SAMD12: variants seen among roughly 807,000 people sequenced by gnomAD.
SAMD12 encodes the protein sterile alpha motif domain containing 12.
SAMD12 carries 9 observed loss-of-function variants against 15.0 expected under a neutral mutation model. The observed-to-expected ratio is 0.60, with a 90% CI of 0.36 to 1.05. The LOEUF (loss-of-function observed/expected upper bound fraction) is 1.05. Ranked by LOEUF, SAMD12 falls within the 50% of genes least tolerant of loss-of-function variation. The probability of loss-of-function intolerance (pLI) is 0.01; values close to 1 mark genes in which losing one functional copy is unlikely to be tolerated. For synonymous variants in SAMD12, 86 were observed against 90.1 expected (o/e 0.96, Z 0.25); for missense variants, 230 against 234.2 (o/e 0.98, Z 0.12).
intron 1 of SAMD12, among the ~76,000 whole-genome samples, chr8:118,618,883 A>C (rs1828317444): frequency 6.6e-6 from 1 of 151,862 alleles, no homozygotes; most frequent in African/African-American, 2.4e-5. Flanking sequence ...GGAGGAAAGC[A>C]GTAGTGAGCC....
At chr8:118,173,579 A>G in the SAMD12 span, among the ~76,000 whole-genome samples, 100 of 147,826 alleles carry the variant, frequency 6.8e-4, no homozygotes, top group African/African-American at 2.4e-3. Flanking sequence ...CTATATATTT[A>G]ACTATAGATT....
intron 1 of SAMD12, among the ~76,000 whole-genome samples, chr8:118,616,427 C>T (rs1313928605): frequency 1.3e-5 from 2 of 152,142 alleles, no homozygotes; most frequent in Non-Finnish European, 2.9e-5. Flanking sequence ...TAATGATGTT[C>T]CCAACAAGAA....
chr8:118,181,163 A>G, the SAMD12 span, among the ~76,000 whole-genome samples: 1 of 152,196 alleles, frequency 6.6e-6, no homozygotes, highest in African/African-American at 2.4e-5. Flanking sequence ...CTGGGACTAC[A>G]GGTGCATACC....
the SAMD12 span, among the ~76,000 whole-genome samples, chr8:118,140,331 G>A: frequency 1.3e-5 from 2 of 151,984 alleles, no homozygotes; most frequent in Non-Finnish European, 2.9e-5. Context: ...GAGTAGAGTG[G>A]CATGATCACA....
chr8:118,552,912 G>T (rs560366917), intron 2 of SAMD12, among the ~76,000 whole-genome samples: 3,047 of 151,842 alleles, frequency 0.02, 119 homozygotes, highest in African/African-American at 0.068. Context: ...GCCAAATCAT[G>T]AGTGAACTCC....
At chr8:118,159,003 C>T in the SAMD12 span, among the ~76,000 whole-genome samples, 6 of 152,150 alleles carry the variant, frequency 3.9e-5, no homozygotes, top group South Asian at 2.1e-4. Flanking sequence ...GACAAGAACT[C>T]GGGACCTGCT....
At chr8:118,570,403 C>T (rs1427686631) in intron 2 of SAMD12, among the ~76,000 whole-genome samples, 2 of 152,132 alleles carry the variant, frequency 1.3e-5, no homozygotes, top group African/African-American at 2.4e-5. Context: ...TTGTTCCCTT[C>T]TATATATCCA....
intron 2 of SAMD12, among the ~76,000 whole-genome samples, chr8:118,519,930 G>A (rs776001533): frequency 1.3e-4 from 20 of 151,898 alleles, no homozygotes; most frequent in Middle Eastern, 3.4e-3. Flanking sequence ...TCAGAGCATT[G>A]AAAAAAAAGT....
chr8:118,133,523 C>T, the SAMD12 span, among the ~76,000 whole-genome samples: 1 of 151,924 alleles, frequency 6.6e-6, no homozygotes. Context: ...TTCTTAATCC[C>T]GAGATGGAGG....
At chr8:118,252,879 T>C (rs1404360328) in intron 4 of SAMD12, among the ~76,000 whole-genome samples, 1 of 152,148 alleles carries the variant, frequency 6.6e-6, no homozygotes, top group Non-Finnish European at 1.5e-5. Flanking sequence ...TGTAAGAACC[T>C]GGCTTCTCTG....
At chr8:118,618,797 C>T (rs1414137003) in intron 1 of SAMD12, among the ~76,000 whole-genome samples, 1 of 150,416 alleles carries the variant, frequency 6.6e-6, no homozygotes, top group Admixed American at 6.6e-5. Context: ...CGAGATCGCG[C>T]CACTGCATTC....
At chr8:118,332,009 A>G (rs1312861559) in intron 4 of SAMD12, among the ~76,000 whole-genome samples, 3 of 152,204 alleles carry the variant, frequency 2.0e-5, no homozygotes, top group Non-Finnish European at 4.4e-5. Context: ...TAAGACAGGT[A>G]CCACACCTTC....
Position 118,339,582 on chromosome 8 carries a change from C to T in SAMD12, c.433+39978G>A, listed in dbSNP as rs567102795. On this transcript the variant is annotated intron_variant, in intron 4 of 4. Transcript: ENST00000409003. The stretch of plus-strand genomic sequence containing the variant: ...CAGCTCTGAGGAGTGGTGCTGATCA[C>T]GTGGCCTCGCTGCGTTTCTGTGGTC... 9.8e-5 allele frequency among the ~76,000 whole-genome samples: 15 copies of T among 152,328 alleles called. No homozygotes were observed. In the South Asian group the frequency reaches 3.1e-3, roughly 32 times the overall value.
intron 2 of SAMD12, among the ~76,000 whole-genome samples, chr8:118,526,777 G>A (rs1825549029): frequency 6.6e-6 from 1 of 152,140 alleles, no homozygotes; most frequent in South Asian, 2.1e-4. Context: ...GAAGCCAGAG[G>A]GGAAAGGAGC....
chr8:118,573,106 G>C (rs1829605), intron 2 of SAMD12, among the ~76,000 whole-genome samples: 8,660 of 152,100 alleles, frequency 0.057, 331 homozygotes, highest in Non-Finnish European at 0.083. Flanking sequence ...CTTTTTGAGG[G>C]GGAGTTTCAC....
chr8:118,589,795 C>G (rs150331938), intron 1 of SAMD12, among the ~76,000 whole-genome samples: 1 of 152,144 alleles, frequency 6.6e-6, no homozygotes, highest in African/African-American at 2.4e-5. Flanking sequence ...ATGAATTGAA[C>G]CACGTTTTTA....
At chr8:118,508,090 A>C (rs149235749) in intron 2 of SAMD12, among the ~76,000 whole-genome samples, 3,523 of 140,204 alleles carry the variant, frequency 0.025, 113 homozygotes, top group African/African-American at 0.083. Context: ...AACTCCTGGG[A>C]TCAAGGGATC....
At chr8:118,133,008 ATATATATATATATATATATC>A in the SAMD12 span, among the ~76,000 whole-genome samples, 1 of 106,812 alleles carries the variant, frequency 9.4e-6, no homozygotes, top group African/African-American at 3.5e-5. Context: ...ATATATATAT[ATATATATATATATATATATC>A]TTATTACTTA....
intron 2 of SAMD12, among the ~76,000 whole-genome samples, chr8:118,532,627 G>A (rs1231291643): frequency 6.6e-6 from 1 of 152,110 alleles, no homozygotes; most frequent in African/African-American, 2.4e-5. Flanking sequence ...CCTGTTATTG[G>A]TCTATTCAGA....
Sources: allele counts gnomAD v4.1 joint callset (sites outside exome capture counted in the v4.1 genomes callset), GRCh38; gene constraint gnomAD v4.1.1; transcripts MANE v1.5; gene names NCBI Gene and HGNC (gene_info 2026-07-23, HGNC 2026-07-21).